Variants in RPS6KA6 observed in about 807,000 individuals in gnomAD.
RPS6KA6 encodes ribosomal protein S6 kinase alpha-6.
RPS6KA6 carries 27 observed loss-of-function variants against 65.4 expected under a neutral mutation model. The observed-to-expected ratio is 0.41, with a 90% CI of 0.30 to 0.57. RPS6KA6 has a LOEUF of 0.57. RPS6KA6 is among the 20% of genes least tolerant of loss of function. RPS6KA6 has a pLI of 0.24. For missense variants in RPS6KA6, 486 were observed against 555.6 expected, an observed-to-expected ratio of 0.87 and a Z score of 1.26; for synonymous variants, 190 against 184.2, an observed-to-expected ratio of 1.03 and a Z score of -0.26.
chrX:84,163,732 C>T (rs2035554549), intron 2 of RPS6KA6, among the ~76,000 whole-genome samples: 1 of 110,156 alleles, frequency 9.1e-6, no homozygotes, highest in Admixed American at 9.7e-5. Context: ...AATGTAGATG[C>T]TGATTTAGTC....
At chrX:84,142,344 T>TGAGA (rs2035121099) in intron 6 of RPS6KA6, among the ~76,000 whole-genome samples, 1 of 110,743 alleles carries the variant, frequency 9.0e-6, no homozygotes, top group African/African-American at 3.3e-5. Context: ...ATATCAAAAC[T>TGAGA]TGTGAGATGA....
At chrX:84,155,430 A>T (rs1193395731) in intron 3 of RPS6KA6, among the ~76,000 whole-genome samples, 2 of 111,653 alleles carry the variant, frequency 1.8e-5, no homozygotes, top group African/African-American at 6.5e-5. Flanking sequence ...GATGTTAGGT[A>T]TATAAAGGTC....
intron 13 of RPS6KA6, 92 bp from the exon 14 acceptor site, chrX:84,107,132 T>A: frequency 1.6e-6 from 1 of 631,230 alleles, no homozygotes; most frequent in Non-Finnish European, 2.4e-6. Context: ...AGGAAACCAT[T>A]AAATGCTACT....
At chrX:84,115,819 T>A (rs983011763) in intron 12 of RPS6KA6, among the ~76,000 whole-genome samples, 3 of 111,573 alleles carry the variant, frequency 2.7e-5, no homozygotes, top group African/African-American at 9.8e-5. Flanking sequence ...TGGATGGAGG[T>A]GGAGATTATT....
chrX:84,110,591 C>A (rs1445398181), intron 12 of RPS6KA6, among the ~76,000 whole-genome samples: 1 of 111,985 alleles, frequency 8.9e-6, no homozygotes, highest in Non-Finnish European at 1.9e-5. Flanking sequence ...AACATAAAAA[C>A]CTGACTAAGA....
intron 3 of RPS6KA6, among the ~76,000 whole-genome samples, chrX:84,154,955 C>T (rs1213927712): frequency 9.0e-6 from 1 of 111,541 alleles, no homozygotes; most frequent in Non-Finnish European, 1.9e-5. Context: ...AATGTCTTTC[C>T]TTGGGAGGCT....
At chrX:84,126,830 T>C (rs2034799681) in intron 8 of RPS6KA6, among the ~76,000 whole-genome samples, 1 of 110,899 alleles carries the variant, frequency 9.0e-6, no homozygotes, top group East Asian at 2.9e-4. Context: ...AAAAATCCTA[T>C]GGAATACAGT....
chrX:84,106,340 A>G lies in RPS6KA6; in HGVS notation c.1365+25T>C, dbSNP rs772217302. The G allele has an allele frequency of 5.0e-6, 6 of 1,188,840 alleles. No individual in the cohort carries two copies. The East Asian group carries it at 9.1e-5, about 18-fold the overall frequency. ...TTAAATTACATGCATAAAACAAACAAGAAAGCTAGGCTCAGAGACAATACC... is the reference window on the plus strand; with the variant it reads ...TTAAATTACATGCATAAAACAAACAGGAAAGCTAGGCTCAGAGACAATACC... On this transcript the variant is annotated intron_variant, in intron 15 of 21. Coordinates refer to ENST00000262752, the MANE Select transcript of RPS6KA6 (RefSeq NM_014496.5).
chrX:84,175,071 A>C (rs1379856345), intron 1 of RPS6KA6, among the ~76,000 whole-genome samples: 3 of 112,052 alleles, frequency 2.7e-5, no homozygotes, highest in African/African-American at 9.7e-5. Context: ...TCTGACTCTT[A>C]AATGCTAACA....
At chrX:84,161,414 T>C (rs1465935581) in intron 2 of RPS6KA6, among the ~76,000 whole-genome samples, 1 of 111,833 alleles carries the variant, frequency 8.9e-6, no homozygotes, top group African/African-American at 3.2e-5. Context: ...TAATTATTCA[T>C]CTGAGAGTTT....
intron 20 of RPS6KA6, among the ~76,000 whole-genome samples, chrX:84,084,216 G>A (rs768843868): frequency 8.9e-6 from 1 of 112,289 alleles, no homozygotes; most frequent in Admixed American, 9.4e-5. Context: ...AGTTTAATTA[G>A]ATCCCATTTG....
At chrX:84,143,876 C>G (rs182463846) in intron 6 of RPS6KA6, among the ~76,000 whole-genome samples, 1 of 110,966 alleles carries the variant, frequency 9.0e-6, no homozygotes, top group Non-Finnish European at 1.9e-5. Flanking sequence ...CAGAAATAGG[C>G]CTTCATATAT....
chrX:84,118,558 A>ATT (rs1372574705), intron 9 of RPS6KA6, among the ~76,000 whole-genome samples: 1 of 111,624 alleles, frequency 9.0e-6, no homozygotes, highest in African/African-American at 3.3e-5. Flanking sequence ...ACATGTTAAA[A>ATT]ATTATTTTTT....
chrX:84,105,063 A>C (rs1163923385), intron 16 of RPS6KA6, among the ~76,000 whole-genome samples: 1 of 110,510 alleles, frequency 9.0e-6, no homozygotes, highest in African/African-American at 3.3e-5. Context: ...CCCTTCCCTC[A>C]GTTCATTATC....
chrX:84,135,883 G>A (rs1299822526), intron 6 of RPS6KA6, among the ~76,000 whole-genome samples: 2 of 111,510 alleles, frequency 1.8e-5, no homozygotes, highest in African/African-American at 6.5e-5. Context: ...ATGATGAAGT[G>A]AAGAGTAATG....
chrX:84,139,360 T>G (rs765940749), intron 6 of RPS6KA6, among the ~76,000 whole-genome samples: 20 of 112,381 alleles, frequency 1.8e-4, no homozygotes, highest in Admixed American at 4.7e-4. Context: ...CTTCTATGCC[T>G]TGGTACCAGT....
chrX:84,144,722 A>G (rs2035170059), intron 6 of RPS6KA6, among the ~76,000 whole-genome samples: 1 of 111,294 alleles, frequency 9.0e-6, no homozygotes, highest in Non-Finnish European at 1.9e-5. Context: ...TCACTTGTAC[A>G]TGAATGTTTA....
At chrX:84,079,256 G>A (rs913220609) in intron 20 of RPS6KA6, among the ~76,000 whole-genome samples, 7 of 110,666 alleles carry the variant, frequency 6.3e-5, no homozygotes, top group Non-Finnish European at 9.4e-5. Context: ...GTGAGGGACT[G>A]AGCCATAAGA....
intron 6 of RPS6KA6, among the ~76,000 whole-genome samples, chrX:84,135,889 T>C (rs986522347): frequency 9.0e-6 from 1 of 111,285 alleles, no homozygotes; most frequent in Non-Finnish European, 1.9e-5. Context: ...AAGTGAAGAG[T>C]AATGAACTTG....
Sources: allele counts gnomAD v4.1 joint callset (sites outside exome capture counted in the v4.1 genomes callset), GRCh38; gene constraint gnomAD v4.1.1; transcripts MANE v1.5; gene names NCBI Gene and HGNC (gene_info 2026-07-23, HGNC 2026-07-21).